Variants in DHX8 observed in about 807,000 individuals in gnomAD.
DHX8 encodes ATP-dependent RNA helicase DHX8.
In DHX8, 67 loss-of-function variants were observed where a neutral mutation model predicts 140.7. The observed-to-expected ratio is 0.48, with a 90% CI of 0.39 to 0.58. The LOEUF (loss-of-function observed/expected upper bound fraction) is 0.58. DHX8 is among the 20% of genes least tolerant of loss of function. The pLI is 0.00. For synonymous variants in DHX8, 533 were observed against 553.2 expected (o/e 0.96, Z 0.51); for missense variants, 887 against 1,550.7 (o/e 0.57, Z 7.19).
intron 9 of DHX8, among the ~76,000 whole-genome samples, chr17:43,496,559 C>G (rs1169201741): frequency 6.6e-6 from 1 of 152,086 alleles, no homozygotes; most frequent in Non-Finnish European, 1.5e-5. Flanking sequence ...CAGCAGATCA[C>G]CTGAGGTTAG....
At chr17:43,536,213 G>A in intron 2 of DHX8, 2 of 593,058 alleles carry the variant, frequency 3.4e-6, no homozygotes, top group Non-Finnish European at 6.0e-6. Flanking sequence ...GAGAACCAGA[G>A]GGATAGTGTC....
intron 10 of DHX8, among the ~76,000 whole-genome samples, chr17:43,499,482 C>T (rs187599747): frequency 6.6e-6 from 1 of 152,330 alleles, no homozygotes; most frequent in Admixed American, 6.5e-5. Context: ...CGGTGTTCTT[C>T]TCATATGGTC....
In DHX8 at chr17:43,541,498, GAGAA is replaced by G. The variant is rs576221577; in HGVS notation, c.*21-2659_*21-2656del. Among the ~76,000 whole-genome samples the G allele has an allele frequency of 4.9e-3, 752 of 152,078 alleles. 8 individuals are homozygous for G. The highest frequency in any genetic ancestry group is 0.017 in the African/African-American group (714 of 41,456). ...CAAGACAGCATAATGCCCAGAGAGA[GAGAA>G]AGAATTTTAGGGACTCTCCTTTCAA... On this transcript the variant is annotated intron_variant, in intron 3 of 3. Transcript: ENST00000589898.
intron 3 of DHX8, among the ~76,000 whole-genome samples, chr17:43,538,159 AT>A (rs1401187981): frequency 5.5e-5 from 7 of 128,120 alleles, no homozygotes; most frequent in African/African-American, 2.2e-4. Context: ...AAAAAAAAAA[AT>A]TAGCTGGACG....
chr17:43,533,720 T>C (rs1971086167), intron 2 of DHX8: 4 of 1,110,804 alleles, frequency 3.6e-6, no homozygotes, highest in Admixed American at 2.8e-5. Context: ...CTTAGCTGTA[T>C]TGCTTCCTTA....
At chr17:43,531,253 T>A (rs1297820127), downstream of DHX8, among the ~76,000 whole-genome samples, 1 of 152,224 alleles carries the variant, frequency 6.6e-6, no homozygotes, top group Non-Finnish European at 1.5e-5. Context: ...GGGCTACTAA[T>A]GTAACAAAAG....
At chr17:43,529,995 C>T (rs1218918982), downstream of DHX8, 1 of 1,612,856 alleles carries the variant, frequency 6.2e-7, no homozygotes, top group East Asian at 2.2e-5. Flanking sequence ...GGGGGTTCAC[C>T]GATGAGACCC....
intron 12 of DHX8, 50 bp downstream of exon 12, chr17:43,504,875 AAG>A: frequency 6.6e-7 from 1 of 1,512,706 alleles, no homozygotes; most frequent in African/African-American, 1.4e-5. Flanking sequence ...TATTGTCTAA[AAG>A]AGGGGTGATA....
At chr17:43,541,741 G>T (rs954659192) in intron 3 of DHX8, among the ~76,000 whole-genome samples, 2 of 152,142 alleles carry the variant, frequency 1.3e-5, no homozygotes, top group African/African-American at 4.8e-5. Context: ...TGTCACCGCT[G>T]TCCCTTACCC....
At chr17:43,519,317 T>C (rs977545441) in intron 18 of DHX8, 5 of 152,222 alleles carry the variant, frequency 3.3e-5, no homozygotes, top group African/African-American at 1.2e-4. Context: ...TGAAGTGATA[T>C]TTCATTGTAG....
downstream of DHX8, chr17:43,528,039 C>A (rs555541640): frequency 4.7e-5 from 11 of 234,772 alleles, no homozygotes; most frequent in South Asian, 2.0e-3. Context: ...TCTGGGAACA[C>A]AGAGCACCAA....
intron 22 of DHX8, among the ~76,000 whole-genome samples, chr17:43,522,713 C>T (rs1970434867): frequency 1.4e-5 from 2 of 141,008 alleles, no homozygotes; most frequent in Admixed American, 1.5e-4. Flanking sequence ...ACCCATTGCA[C>T]TCCAGCCTGG....
At chr17:43,511,213 C>G (rs1414350431) in intron 16 of DHX8, among the ~76,000 whole-genome samples, 3 of 151,940 alleles carry the variant, frequency 2.0e-5, no homozygotes, top group Non-Finnish European at 4.4e-5. Context: ...GCCTGTAATC[C>G]CAGCTACCTG....
At chr17:43,495,197 A>G (rs1232843330) in intron 8 of DHX8, among the ~76,000 whole-genome samples, 5 of 152,200 alleles carry the variant, frequency 3.3e-5, no homozygotes, top group African/African-American at 1.2e-4. Flanking sequence ...ACGCGAATAT[A>G]TCATGGTTGC....
At chr17:43,515,681 C>T (rs1343053698) in intron 17 of DHX8, among the ~76,000 whole-genome samples, 1 of 152,162 alleles carries the variant, frequency 6.6e-6, no homozygotes, top group Non-Finnish European at 1.5e-5. Context: ...CTGGCTCCAG[C>T]TTGTATGCTC....
chr17:43,484,266 G>T, intron 1 of DHX8, 81 bp downstream of exon 1: 1 of 1,460,908 alleles, frequency 6.8e-7, no homozygotes, highest in East Asian at 2.3e-5. Flanking sequence ...AAAGGTGGTT[G>T]ATGGACCGAA....
intron 18 of DHX8, chr17:43,518,355 A>G (rs1388125577): frequency 6.6e-6 from 1 of 152,142 alleles, no homozygotes; most frequent in African/African-American, 2.4e-5. Context: ...TCTTTTATTC[A>G]TCGAATTAGC....
chr17:43,543,562 C>T (rs1323784863), intron 3 of DHX8, among the ~76,000 whole-genome samples: 1 of 152,146 alleles, frequency 6.6e-6, no homozygotes, highest in Non-Finnish European at 1.5e-5. Context: ...AGAGAGAAAT[C>T]AGGCACTGGG....
downstream of DHX8, chr17:43,528,208 C>T (rs1340245639): frequency 9.5e-6 from 3 of 314,210 alleles, no homozygotes; most frequent in East Asian, 1.5e-4. Context: ...ACAGAACAAA[C>T]TCTTGTTCTC....
Sources: gnomAD v4.1 joint callset for allele counts (sites outside exome capture counted in the v4.1 genomes callset) on GRCh38, gnomAD v4.1.1 for gene constraint, MANE v1.5 for transcripts, NCBI Gene and HGNC (gene_info 2026-07-23, HGNC 2026-07-21) for gene names.